PM20D2: variants seen among roughly 807,000 people sequenced by gnomAD.
PM20D2 encodes the protein peptidase M20 domain containing 2.
A neutral mutation model predicts 42.9 loss-of-function variants in PM20D2; 33 were observed. The ratio of observed to expected loss-of-function variants is 0.77; its 90% CI spans 0.58 to 1.03. The LOEUF (loss-of-function observed/expected upper bound fraction) is 1.03. Ranked by LOEUF, PM20D2 falls within the 50% of genes least tolerant of loss-of-function variation. The pLI is 0.00. For missense variants in PM20D2, 548 were observed against 557.0 expected (o/e 0.98, Z 0.16); for synonymous variants, 250 against 228.2 (o/e 1.10, Z -0.86).
At chr6:89,151,371 A>C (rs1004435671) in intron 2 of PM20D2, among the ~76,000 whole-genome samples, 1 of 151,854 alleles carries the variant, frequency 6.6e-6, no homozygotes, top group South Asian at 2.1e-4. Context: ...CTGGAATTAC[A>C]GGCAAGCACC....
upstream of PM20D2, among the ~76,000 whole-genome samples, chr6:89,145,834 C>T (rs1770511979): frequency 6.6e-6 from 1 of 152,186 alleles, no homozygotes; most frequent in South Asian, 2.1e-4. Context: ...GAAAAGTAAT[C>T]GATAATCTTA....
intron 4 of PM20D2, among the ~76,000 whole-genome samples, chr6:89,156,028 G>A (rs1028609587): frequency 1.8e-4 from 28 of 152,008 alleles, no homozygotes; most frequent in African/African-American, 6.0e-4. Context: ...GGGATTACAG[G>A]CGCCTGCCTC....
the PM20D2 span, chr6:89,107,050 T>C: frequency 4.5e-5 from 52 of 1,147,614 alleles, no homozygotes; most frequent in Non-Finnish European, 6.7e-5. Flanking sequence ...AATAAACACA[T>C]TTAATTAGGC....
the PM20D2 span, among the ~76,000 whole-genome samples, chr6:89,130,447 G>A: frequency 6.6e-6 from 1 of 152,076 alleles, no homozygotes; most frequent in African/African-American, 2.4e-5. Context: ...AATAATATGT[G>A]TGCAATTTGA....
rs751681951 is a variant in PM20D2, at chr6:89,149,273, C to T, written c.474C>T (p.Val158=). Residue 158 remains valine, a synonymous_variant, in exon 2 of 7, where the codon GTC becomes GTT. Coordinates refer to ENST00000275072, the MANE Select transcript of PM20D2 (RefSeq NM_001010853.3). ...PRPPPPVKVV[V]LGTPAEEDGG... ...TGAGTATTTCCTTCTAGGTAGTTGT[C>T]CTGGGAACCCCTGCAGAAGAAGATG... 5.6e-6 allele frequency: 9 copies of T among 1,613,352 alleles called. No individual in the cohort carries two copies. Among genetic ancestry groups the T allele is most frequent in the Admixed American group, 1.7e-5 (1 of 59,956 alleles).
intron 5 of PM20D2, 98 bp downstream of exon 5, chr6:89,158,558 T>C (rs988856900): frequency 8.1e-6 from 11 of 1,354,142 alleles, no homozygotes; most frequent in Non-Finnish European, 1.1e-5. Context: ...GGTCGGGAGG[T>C]ACTACTGACG....
the PM20D2 span, among the ~76,000 whole-genome samples, chr6:89,107,952 A>T: frequency 6.6e-6 from 1 of 152,204 alleles, no homozygotes; most frequent in Admixed American, 6.5e-5. Context: ...CTAAGAACAC[A>T]TTCATTTTGC....
chr6:89,113,657 A>G, the PM20D2 span, among the ~76,000 whole-genome samples: 1 of 151,870 alleles, frequency 6.6e-6, no homozygotes, highest in African/African-American at 2.4e-5. Flanking sequence ...CTATTTATTT[A>G]TTTATTTTTG....
the PM20D2 span, among the ~76,000 whole-genome samples, chr6:89,110,733 G>C: frequency 6.6e-6 from 1 of 152,130 alleles, no homozygotes; most frequent in African/African-American, 2.4e-5. Flanking sequence ...CAAAGAAATT[G>C]GTAGGCTGGA....
At chr6:89,139,267 G>A in the PM20D2 span, among the ~76,000 whole-genome samples, 267 of 152,098 alleles carry the variant, frequency 1.8e-3, 1 homozygote, top group African/African-American at 6.2e-3. Context: ...AGAAGATGGG[G>A]TCTTGCTGTG....
intron 3 of PM20D2, among the ~76,000 whole-genome samples, chr6:89,153,740 G>A (rs1770938876): frequency 6.6e-6 from 1 of 152,032 alleles, no homozygotes; most frequent in Admixed American, 6.6e-5. Context: ...TGGGATTACA[G>A]GCAGGCAGAC....
At chr6:89,137,466 A>C in the PM20D2 span, among the ~76,000 whole-genome samples, 1 of 152,252 alleles carries the variant, frequency 6.6e-6, no homozygotes, top group Admixed American at 6.5e-5. Context: ...ATTTTGGTTT[A>C]GCAACTACAG....
chr6:89,130,874 C>G, the PM20D2 span, among the ~76,000 whole-genome samples: 718 of 118,214 alleles, frequency 6.1e-3, 10 homozygotes, highest in African/African-American at 0.025. Flanking sequence ...GTTCTGTTGC[C>G]CAGGCTGGGT....
intron 2 of PM20D2, among the ~76,000 whole-genome samples, chr6:89,152,167 A>T: frequency 6.6e-6 from 1 of 152,172 alleles, no homozygotes; most frequent in Non-Finnish European, 1.5e-5. Flanking sequence ...AGTATCCTGA[A>T]ATCTAATACG....
chr6:89,134,328 T>C, the PM20D2 span, among the ~76,000 whole-genome samples: 2 of 151,140 alleles, frequency 1.3e-5, no homozygotes, highest in African/African-American at 2.5e-5. Context: ...TTTAAGAGAA[T>C]TCAGCTTCCT....
chr6:89,150,920 AAGGC>A (rs1182516715), intron 2 of PM20D2, among the ~76,000 whole-genome samples: 15 of 151,596 alleles, frequency 9.9e-5, no homozygotes, highest in Admixed American at 5.2e-4. Context: ...TTGGGAGGCC[AAGGC>A]AGGTGGATCA....
the PM20D2 span, among the ~76,000 whole-genome samples, chr6:89,135,144 AT>A: frequency 1.3e-4 from 20 of 151,358 alleles, no homozygotes; most frequent in South Asian, 4.1e-3. Context: ...GAAAATGGTC[AT>A]TTAAAATCTT....
chr6:89,155,010 TA>T (rs1770990134), intron 4 of PM20D2, 108 bp downstream of exon 4: 9 of 1,015,410 alleles, frequency 8.9e-6, no homozygotes, highest in Non-Finnish European at 1.2e-5. Context: ...ACATGTTGAA[TA>T]TGCAAAATGA....
chr6:89,149,141 C>A, intron 1 of PM20D2, 124 bp from the exon 2 acceptor site: 1 of 1,234,532 alleles, frequency 8.1e-7, no homozygotes, highest in Non-Finnish European at 1.1e-6. Context: ...CGTCATAGAA[C>A]AAAACCTGTC....
Sources: gnomAD v4.1 joint callset for allele counts (sites outside exome capture counted in the v4.1 genomes callset) on GRCh38, gnomAD v4.1.1 for gene constraint, MANE v1.5 for transcripts, NCBI Gene and HGNC (gene_info 2026-07-23, HGNC 2026-07-21) for gene names.